The following HSPG2 variants were observed in gnomAD, a reference collection of about 807,000 sequenced individuals.
The protein encoded by HSPG2 is basement membrane-specific heparan sulfate proteoglycan core protein.
Under a neutral mutation model 526.6 loss-of-function variants are expected in HSPG2, and 278 were observed. The ratio of observed to expected loss-of-function variants is 0.53; its 90% CI spans 0.48 to 0.58. The LOEUF is 0.58. HSPG2 is among the 20% of genes least tolerant of loss of function. HSPG2 has a pLI of 0.00. For missense variants in HSPG2, 5,354 were observed against 6,099.5 expected, an observed-to-expected ratio of 0.88 and a Z score of 4.07; for synonymous variants, 2,465 against 2,555.4, an observed-to-expected ratio of 0.96 and a Z score of 1.07.
intron 1 of HSPG2, among the ~76,000 whole-genome samples, chr1:21,921,702 CCCAGCAT>C (rs1314729978): frequency 6.6e-6 from 1 of 152,184 alleles, no homozygotes; most frequent in East Asian, 1.9e-4. Flanking sequence ...CTGCGGCACC[CCCAGCAT>C]CCGCTCCTCC....
At chr1:21,920,063 C>T (rs1643993383) in intron 1 of HSPG2, among the ~76,000 whole-genome samples, 1 of 152,206 alleles carries the variant, frequency 6.6e-6, no homozygotes, top group South Asian at 2.1e-4. Context: ...TGCACCACCA[C>T]ACCCAGCTAA....
intron 74 of HSPG2, among the ~76,000 whole-genome samples, chr1:21,837,445 ATT>A (rs548828521): frequency 1.1e-4 from 16 of 139,320 alleles, no homozygotes; most frequent in Admixed American, 2.1e-4. Flanking sequence ...TGCCTGGCTA[ATT>A]TTTTTTTTTT....
At chr1:21,856,847 C>G (rs369679449) in intron 44 of HSPG2, among the ~76,000 whole-genome samples, 168 bp downstream of exon 44, 1 of 152,186 alleles carries the variant, frequency 6.6e-6, no homozygotes, top group African/African-American at 2.4e-5. Context: ...TCAGGAGGAC[C>G]GAGATACTGT....
At chr1:21,857,562 C>T (rs1000184748) in intron 42 of HSPG2, among the ~76,000 whole-genome samples, 177 bp from the exon 43 acceptor site, 2 of 152,154 alleles carry the variant, frequency 1.3e-5, no homozygotes, top group African/African-American at 4.8e-5. Flanking sequence ...TCCCCACCCT[C>T]CTTGCCAGCA....
chr1:21,832,766 G>A, intron 80 of HSPG2, 160 bp from the exon 81 acceptor site: 1 of 627,464 alleles, frequency 1.6e-6, no homozygotes, highest in Non-Finnish European at 2.8e-6. Context: ...CTATCTCAGG[G>A]CTGGTGCCCC....
At position 21,848,101 on chromosome 1, in the gene HSPG2, A is replaced by G. The variant is rs753647916; in HGVS notation, c.7738-8T>C. 14 of 1,583,582 alleles carry G rather than the reference A, an allele frequency of 8.8e-6. No homozygotes were observed. The African/African-American group carries it at 1.8e-4, about 20-fold the overall frequency. On this transcript the variant is annotated splice_polypyrimidine_tract_variant and splice_region_variant and intron_variant, in intron 59 of 96. Transcript: ENST00000374695. The surrounding 1 kb of genome is among the most constrained non-coding windows in gnomAD (Gnocchi z 4.9). Reference sequence around the variant, plus strand: ...CAGCCGGGAGCCCACGATCTGCAGGAAGCAGATGGCAGGAGGTATGGCAGT... The same window carrying G: ...CAGCCGGGAGCCCACGATCTGCAGGGAGCAGATGGCAGGAGGTATGGCAGT...
At position 21,887,588 on chromosome 1, in the gene HSPG2, G is replaced by C; in HGVS notation, c.790C>G (p.Arg264Gly). The change falls in exon 8 of 97, where the codon CGA becomes GGA. Residue 264 changes from arginine (R) to glycine (G), a missense_variant. Coordinates refer to ENST00000374695, the MANE Select transcript of HSPG2 (RefSeq NM_005529.7). This position sits in a 1 kb window ranked among gnomAD's most constrained non-coding sequence, Gnocchi z 5.0. The part of the protein sequence containing the change: ...LPPRPETTIM[R>G]QPPVTHAPQP... ...GGAGCGTGGGTGACTGGTGGCTGTC[G>C]CATGATGGTTGTCTCTGGCCGGGGC... is the stretch of plus-strand genomic sequence containing the variant. The C allele has an allele frequency of 6.2e-7, 1 of 1,614,084 alleles. No homozygotes were observed. The highest frequency in any genetic ancestry group is 8.5e-7 in the Non-Finnish European group (1 of 1,180,010).
chr1:21,935,688 C>CG (rs1003060907), intron 1 of HSPG2, among the ~76,000 whole-genome samples: 5 of 152,316 alleles, frequency 3.3e-5, no homozygotes, highest in African/African-American at 1.2e-4. Context: ...AGCCCCTCAT[C>CG]GGGGGCAGAG....
intron 1 of HSPG2, among the ~76,000 whole-genome samples, chr1:21,899,053 C>T (rs564522978): frequency 3.9e-5 from 6 of 152,210 alleles, no homozygotes; most frequent in South Asian, 4.2e-4. Context: ...CAGAGCACGT[C>T]GGGACTTGGA....
In HSPG2 at chr1:21,839,306, G is replaced by A. The variant is rs1285002471; in HGVS notation, c.9889+65C>T. 1 of 1,565,730 alleles carries A rather than the reference G, an allele frequency of 6.4e-7. No homozygotes were observed. The highest frequency in any genetic ancestry group is 1.3e-5 in the African/African-American group (1 of 74,096). Reference sequence around the variant, plus strand: ...ATGGGGTTCCTGGGGTTCTGTGTGGGGTGGAGCCTAGTCGGGGGGCTCAGA... The same window carrying A: ...ATGGGGTTCCTGGGGTTCTGTGTGGAGTGGAGCCTAGTCGGGGGGCTCAGA... On this transcript the variant is annotated intron_variant, in intron 73 of 96. Transcript: ENST00000374695. The surrounding 1 kb of genome is among the most constrained non-coding windows in gnomAD (Gnocchi z 4.5).
At chr1:21,852,646 C>A in intron 52 of HSPG2, 54 bp downstream of exon 52, 4 of 1,609,884 alleles carry the variant, frequency 2.5e-6, no homozygotes, top group South Asian at 1.1e-5. Context: ...GATCTCACCA[C>A]CCCGGAGGCC....
At chr1:21,867,918 C>T (rs1397133721) in intron 33 of HSPG2, among the ~76,000 whole-genome samples, 2 of 152,006 alleles carry the variant, frequency 1.3e-5, no homozygotes, top group Non-Finnish European at 2.9e-5. Context: ...TTAGTAGAGA[C>T]AGGGTTTCCC....
chr1:21,846,153 G>C lies in HSPG2; in HGVS notation c.8419C>G (p.Leu2807Val). The change falls in exon 64 of 97, where the codon CTG becomes GTG. Residue 2807 changes from leucine (L) to valine (V), a missense_variant. Physicochemically the swap from Leu to Val is conservative, Grantham distance 32. Coordinates refer to ENST00000374695, the MANE Select transcript of HSPG2 (RefSeq NM_005529.7). The stretch of plus-strand genomic sequence containing the variant: ...GAGCCAGAGGCTTCGATGGTGACCA[G>C]GACTGAGGCCTCCAGGGGGCCAGAG... Reference protein sequence around the residue: ...GSSGPLEASVLVTIEASGSSA... With the variant: ...GSSGPLEASVVVTIEASGSSA... 6.2e-7 allele frequency: 1 copy of C among 1,613,134 alleles called. No individual in the cohort carries two copies. Among genetic ancestry groups the C allele is most frequent in the Non-Finnish European group, 8.5e-7 (1 of 1,180,028 alleles).
chr1:21,896,155 G>A lies in HSPG2; in HGVS notation c.199+20C>T. The A allele has an allele frequency of 6.2e-7, 1 of 1,612,632 alleles. No homozygotes were observed. The highest frequency in any genetic ancestry group is 8.5e-7 in the Non-Finnish European group (1 of 1,179,774). On this transcript the variant is annotated intron_variant, in intron 2 of 96. Transcript: ENST00000374695. ...CTCACCCCCCACCCCTCTGCTCCCA[G>A]CCTTGGATCCTTGGCTCACCTCCTG...
intron 1 of HSPG2, among the ~76,000 whole-genome samples, chr1:21,903,408 C>T (rs2152779921): frequency 6.6e-6 from 1 of 152,290 alleles, no homozygotes; most frequent in Middle Eastern, 3.4e-3. Flanking sequence ...CGAGACTAGC[C>T]TGGCCAACAT....
At chr1:21,913,524 C>A (rs940935746) in intron 1 of HSPG2, among the ~76,000 whole-genome samples, 2 of 152,224 alleles carry the variant, frequency 1.3e-5, no homozygotes, top group African/African-American at 4.8e-5. Context: ...CCACGGACAG[C>A]CAGGAACCTG....
chr1:21,898,507 G>A lies in HSPG2; in HGVS notation c.64-2197C>T, dbSNP rs568736628. Among the ~76,000 whole-genome samples, 2 of 152,352 alleles carry A rather than the reference G, an allele frequency of 1.3e-5. No homozygotes were observed. Among genetic ancestry groups the A allele is most frequent in the East Asian group, 3.9e-4 (2 of 5,182 alleles). On this transcript the variant is annotated intron_variant, in intron 1 of 96. Transcript: ENST00000374695. The surrounding 1 kb of genome is among the most constrained non-coding windows in gnomAD (Gnocchi z 4.0). Reference sequence around the variant, plus strand: ...GCAGATTCCTGGGCTCCTTCTCAGAGACAGTGAGTCAGGTTTTTCCATCCC... The same window carrying A: ...GCAGATTCCTGGGCTCCTTCTCAGAAACAGTGAGTCAGGTTTTTCCATCCC...
In HSPG2 at chr1:21,850,156, G is replaced by A. The variant is rs755800755; in HGVS notation, c.7331C>T (p.Ser2444Leu). Reference sequence around the variant, plus strand: ...CTGCCCCTCGGCCACTTGCGAAGACGATGACTCGATCCGGACCGTGGGGGT... The same window carrying A: ...CTGCCCCTCGGCCACTTGCGAAGACAATGACTCGATCCGGACCGTGGGGGT... ...GVTPTVRIESSSSQVAEGQTL... is the reference protein window; with the variant it reads ...GVTPTVRIESLSSQVAEGQTL... Residue 2444 changes from serine to leucine, a missense_variant, in exon 57 of 97, where the codon TCG (serine) becomes TTG (leucine). Transcript: ENST00000374695. 2.2e-5 allele frequency: 36 copies of A among 1,613,318 alleles called. No individual in the cohort carries two copies. The highest frequency in any genetic ancestry group is 3.0e-5 in the Non-Finnish European group (35 of 1,180,054).
At chr1:21,853,455 C>T (rs1350468576) in intron 50 of HSPG2, among the ~76,000 whole-genome samples, 1 of 152,144 alleles carries the variant, frequency 6.6e-6, no homozygotes, top group African/African-American at 2.4e-5. Flanking sequence ...TAAACCACAC[C>T]ATGACTGGCC....
Sources: allele counts gnomAD v4.1 joint callset (sites outside exome capture counted in the v4.1 genomes callset), GRCh38; gene constraint gnomAD v4.1.1; non-coding constraint Gnocchi (gnomAD v3.1); transcripts MANE v1.5; gene names NCBI Gene and HGNC (gene_info 2026-07-23, HGNC 2026-07-21).